PDE12: variants seen among roughly 807,000 people sequenced by gnomAD.
The protein encoded by PDE12 is 2',5'-phosphodiesterase 12.
PDE12 carries 26 observed loss-of-function variants against 45.4 expected under a neutral mutation model. That is an observed-to-expected ratio of 0.57 (90% CI 0.42 to 0.79). The LOEUF (loss-of-function observed/expected upper bound fraction) is 0.79. Ranked by LOEUF, PDE12 falls within the 30% of genes least tolerant of loss-of-function variation. The pLI, the probability that PDE12 is intolerant of heterozygous loss-of-function variation, is 0.00. For synonymous variants in PDE12, 283 were observed against 323.9 expected, an observed-to-expected ratio of 0.87 and a Z score of 1.36; for missense variants, 668 against 790.0, an observed-to-expected ratio of 0.85 and a Z score of 1.85.
the PDE12 span, among the ~76,000 whole-genome samples, chr3:57,601,565 AG>A: frequency 6.6e-6 from 1 of 152,130 alleles, no homozygotes; most frequent in Non-Finnish European, 1.5e-5. Context: ...TGGAACCTGC[AG>A]ATGCAGAATG....
the PDE12 span, among the ~76,000 whole-genome samples, chr3:57,574,616 G>A: frequency 2.8e-4 from 42 of 151,910 alleles, no homozygotes; most frequent in Non-Finnish European, 5.7e-4. Context: ...TTTGTTGCCC[G>A]GGCTGGTTTG....
the PDE12 span, chr3:57,630,884 T>C: frequency 6.2e-7 from 1 of 1,610,814 alleles, no homozygotes; most frequent in Non-Finnish European, 8.5e-7. Context: ...CAGAAGTTAA[T>C]TACAGTTAGA....
the PDE12 span, among the ~76,000 whole-genome samples, chr3:57,596,165 G>C: frequency 6.6e-6 from 1 of 151,882 alleles, no homozygotes; most frequent in Admixed American, 6.6e-5. Flanking sequence ...GCAAAAACAC[G>C]CCCCCTAAAA....
At chr3:57,629,144 G>A in the PDE12 span, among the ~76,000 whole-genome samples, 66 of 152,252 alleles carry the variant, frequency 4.3e-4, no homozygotes, top group Middle Eastern at 6.8e-3. Context: ...TTTAGATCAA[G>A]CAAGAAAAAC....
At chr3:57,646,279 A>G in the PDE12 span, 1 of 1,579,572 alleles carries the variant, frequency 6.3e-7, no homozygotes, top group Non-Finnish European at 8.6e-7. Flanking sequence ...GCAGCATCCA[A>G]AAAAAAAACC....
At chr3:57,585,082 T>C in the PDE12 span, among the ~76,000 whole-genome samples, 4 of 152,138 alleles carry the variant, frequency 2.6e-5, no homozygotes, top group African/African-American at 4.8e-5. Flanking sequence ...CAGGCTGGTC[T>C]CAAACTCCTG....
chr3:57,626,766 C>T, the PDE12 span: 14 of 151,114 alleles, frequency 9.3e-5, no homozygotes, highest in African/African-American at 3.4e-4. Flanking sequence ...AACCAAACAA[C>T]CCTACTCTAC....
chr3:57,583,574 A>G, the PDE12 span, among the ~76,000 whole-genome samples: 2 of 152,236 alleles, frequency 1.3e-5, no homozygotes, highest in Non-Finnish European at 1.5e-5. Flanking sequence ...AGAAACTACA[A>G]TGACAGTTTA....
At chr3:57,641,884 A>G in the PDE12 span, 1 of 591,068 alleles carries the variant, frequency 1.7e-6, no homozygotes. Context: ...TTACATATCA[A>G]CTACATGCCA....
At chr3:57,628,721 C>G in the PDE12 span, 2 of 1,347,342 alleles carry the variant, frequency 1.5e-6, no homozygotes, top group Non-Finnish European at 2.0e-6. Flanking sequence ...AAAGTTACTT[C>G]TGCGAACTAT....
In PDE12 at chr3:57,562,156, A is replaced by G; in HGVS notation, c.*2152A>G. ...GAGAAAACAAAGTGTCACATCAAAA[A>G]GTTGAGAAACATTTTGAAAGAAAAA... On this transcript the variant is annotated 3_prime_UTR_variant, in exon 3 of 3. Coordinates refer to ENST00000311180, the MANE Select transcript of PDE12 (RefSeq NM_177966.7). The G allele has an allele frequency of 1.0e-6, 1 of 953,984 alleles. No homozygotes were observed. Among genetic ancestry groups the G allele is most frequent in the Non-Finnish European group, 1.2e-6 (1 of 801,256 alleles). The allele number at this position is 953,984 out of a possible 1,614,324, so 59.1% of individuals were successfully genotyped here. A position where few individuals can be genotyped will look rare whatever the true frequency, so the allele number is the denominator to read the frequency against.
chr3:57,599,681 CTAATG>C, the PDE12 span, among the ~76,000 whole-genome samples: 1 of 152,172 alleles, frequency 6.6e-6, no homozygotes, highest in South Asian at 2.1e-4. Flanking sequence ...CATCAAGTGG[CTAATG>C]TAAATTACAA....
At position 57,556,551 on chromosome 3, in the gene PDE12, G is replaced by A; in HGVS notation, c.172G>A (p.Gly58Ser). ...GAGCCTGTCATTCGCTTTGGCTGAT[G>A]GTAGCCACAAGAACATGCAGCGCGA... Reference protein sequence around the residue: ...KLSLSFALADGSHKNMQRDQS... With the variant: ...KLSLSFALADSSHKNMQRDQS... Residue 58 changes from glycine (G) to serine (S), a missense_variant, in exon 1 of 3, where the codon GGT becomes AGT. Coordinates refer to ENST00000311180, the MANE Select transcript of PDE12 (RefSeq NM_177966.7). This position sits in a 1 kb window ranked among gnomAD's most constrained non-coding sequence, Gnocchi z 5.0. 1 of 1,613,550 alleles carries A rather than the reference G, an allele frequency of 6.2e-7. No individual in the cohort carries two copies. The highest frequency in any genetic ancestry group is 8.5e-7 in the Non-Finnish European group (1 of 1,179,994).
chr3:57,614,919 G>C, the PDE12 span, among the ~76,000 whole-genome samples: 626 of 151,614 alleles, frequency 4.1e-3, 6 homozygotes, highest in African/African-American at 0.015. Flanking sequence ...CTTGAATCCG[G>C]GCGGCAGATG....
the PDE12 span, among the ~76,000 whole-genome samples, chr3:57,613,257 A>G: frequency 7.3e-4 from 109 of 148,410 alleles, no homozygotes; most frequent in African/African-American, 2.4e-3. Context: ...CTAGGATTAC[A>G]GGCGTGAGCC....
At chr3:57,616,049 C>G in the PDE12 span, among the ~76,000 whole-genome samples, 3 of 152,084 alleles carry the variant, frequency 2.0e-5, no homozygotes, top group African/African-American at 4.8e-5. Context: ...ACAGGCCAGG[C>G]GTGCTGCTCA....
Position 57,556,321 on chromosome 3 carries a change from A to T in PDE12, c.-59A>T. ...CCGGCGGCCTCGGCTCCTCAGCTCC[A>T]CCTGACAGTAGGCCGCTGATCGGCC... On this transcript the variant is annotated 5_prime_UTR_variant, in exon 1 of 3. Coordinates refer to ENST00000311180, the MANE Select transcript of PDE12 (RefSeq NM_177966.7). This position sits in a 1 kb window ranked among gnomAD's most constrained non-coding sequence, Gnocchi z 5.0. 1 of 1,485,276 alleles carries T rather than the reference A, an allele frequency of 6.7e-7. No individual in the cohort carries two copies. The highest frequency in any genetic ancestry group is 9.0e-7 in the Non-Finnish European group (1 of 1,114,662). 92.0% of individuals were successfully genotyped at this position (1,485,276 alleles called of 1,614,324 possible).
chr3:57,595,132 T>A, the PDE12 span, among the ~76,000 whole-genome samples: 3 of 152,166 alleles, frequency 2.0e-5, no homozygotes, highest in African/African-American at 4.8e-5. Context: ...TTTTTTGGGG[T>A]GGAGGGAAAT....
chr3:57,583,797 C>T, the PDE12 span: 2 of 817,838 alleles, frequency 2.4e-6, no homozygotes, highest in South Asian at 1.6e-5. Context: ...AATGCCAACT[C>T]ATAGTAAACA....
Sources: allele counts gnomAD v4.1 joint callset (sites outside exome capture counted in the v4.1 genomes callset), GRCh38; gene constraint gnomAD v4.1.1; non-coding constraint Gnocchi (gnomAD v3.1); transcripts MANE v1.5; gene names NCBI Gene and HGNC (gene_info 2026-07-23, HGNC 2026-07-21).